PLA2G4D: variants seen among roughly 807,000 people sequenced by gnomAD.
The protein encoded by PLA2G4D is phospholipase A2 group IVD.
In PLA2G4D, 80 loss-of-function variants were observed where a neutral mutation model predicts 94.4. The observed-to-expected ratio is 0.85, with a 90% CI of 0.71 to 1.02. PLA2G4D has a LOEUF of 1.02. PLA2G4D is among the 50% of genes least tolerant of loss of function. PLA2G4D has a pLI of 0.00. For synonymous variants in PLA2G4D, 438 were observed against 440.9 expected (o/e 0.99, Z 0.08); for missense variants, 1,050 against 1,034.7 (o/e 1.01, Z -0.20).
chr15:42,079,141 A>G (rs771271565), intron 13 of PLA2G4D, among the ~76,000 whole-genome samples: 42 of 152,240 alleles, frequency 2.8e-4, no homozygotes, highest in Non-Finnish European at 4.1e-4. Context: ...CACAGCTAGT[A>G]AGAGGTACTG....
rs1889730624 is a variant in PLA2G4D at position 42,068,632 on chromosome 15, A to G, written c.*83T>C. 7.3e-7 allele frequency: 1 copy of G among 1,365,038 alleles called. No individual in the cohort carries two copies. The highest frequency in any genetic ancestry group is 1.0e-6 in the Non-Finnish European group (1 of 1,004,204). The allele number at this position is 1,365,038 out of a possible 1,614,324, so 84.6% of individuals were successfully genotyped here. Reference sequence around the variant, plus strand: ...AGGCCTGGGAGAGCCCAGAACTCCAACCAGGAAGGCCTGTGGCTGAGCCCA... The same window carrying G: ...AGGCCTGGGAGAGCCCAGAACTCCAGCCAGGAAGGCCTGTGGCTGAGCCCA... On this transcript the variant is annotated 3_prime_UTR_variant, in exon 20 of 20. Coordinates refer to ENST00000290472, the MANE Select transcript of PLA2G4D (RefSeq NM_178034.4).
chr15:42,075,154 T>C (rs1889894490), intron 13 of PLA2G4D, among the ~76,000 whole-genome samples: 1 of 152,230 alleles, frequency 6.6e-6, no homozygotes, highest in Non-Finnish European at 1.5e-5. Context: ...TAAGAATATA[T>C]AGGTGTCTAA....
chr15:42,081,621 C>T lies in PLA2G4D; in HGVS notation c.822-7G>A, dbSNP rs1468792904. The T allele has an allele frequency of 6.2e-7, 1 of 1,613,698 alleles. No individual in the cohort carries two copies. The highest frequency in any genetic ancestry group is 1.3e-5 in the African/African-American group (1 of 75,062). On this transcript the variant is annotated splice_polypyrimidine_tract_variant and splice_region_variant and intron_variant, in intron 10 of 19. Transcript: ENST00000290472. ...CACGGCCAGCTCCTCAGGGCTGTGG[C>T]AATGGAGGATCCAGGGGTCAGGGGA... is the stretch of plus-strand genomic sequence containing the variant.
Position 42,071,261 on chromosome 15 carries a change from G to A in PLA2G4D, c.1738C>T (p.Gln580Ter). 1 of 1,606,522 alleles carries A rather than the reference G, an allele frequency of 6.2e-7. No homozygotes were observed. ...TSSRLEASWL[Q>*]PGTALAQAFK... ...GCCTGGGCCAGCGCCGTGCCTGGCT[G>A]CAGCCACGAGGCCTCCAGCCGCGAG... is the stretch of plus-strand genomic sequence containing the variant. The change falls in exon 17 of 20, where the codon CAG becomes TAG. Residue 580 changes from glutamine to a stop codon, truncating the protein, a stop_gained. Coordinates refer to ENST00000290472, the MANE Select transcript of PLA2G4D (RefSeq NM_178034.4). LOFTEE classifies it high-confidence loss of function.
chr15:42,088,138 G>A (rs1429128829), intron 1 of PLA2G4D, among the ~76,000 whole-genome samples: 4 of 152,310 alleles, frequency 2.6e-5, no homozygotes, highest in Middle Eastern at 3.4e-3. Flanking sequence ...CAGCCCTTCC[G>A]GACGGGAAGC....
chr15:42,085,409 G>T, intron 5 of PLA2G4D, 82 bp downstream of exon 5: 6 of 1,497,458 alleles, frequency 4.0e-6, no homozygotes, highest in Non-Finnish European at 5.6e-6. Context: ...AGGCTGGACT[G>T]ACCACAGGGA....
intron 8 of PLA2G4D, 117 bp downstream of exon 8, chr15:42,083,081 G>C: frequency 7.2e-7 from 1 of 1,379,666 alleles, no homozygotes; most frequent in Non-Finnish European, 9.7e-7. Context: ...AACTAGGGGA[G>C]GCTGACAAGG....
In PLA2G4D at chr15:42,071,302, G is replaced by A; in HGVS notation, c.1697C>T (p.Thr566Ile). Residue 566 changes from threonine (T) to isoleucine (I), a missense_variant, in exon 17 of 20, where the codon ACC becomes ATC. Coordinates refer to ENST00000290472, the MANE Select transcript of PLA2G4D (RefSeq NM_178034.4). ...KTRSLEKEPL[T>I]TSGTSSRLEA... ...CAGCCGCGAGGAGGTCCCCGAGGTG[G>A]TCAGGGGCTCCTTCTCTGAAGCCAG... is the stretch of plus-strand genomic sequence containing the variant. 1 of 1,586,622 alleles carries A rather than the reference G, an allele frequency of 6.3e-7. No homozygotes were observed. The highest frequency in any genetic ancestry group is 8.5e-7 in the Non-Finnish European group (1 of 1,170,056).
chr15:42,081,435 C>T (rs764248693), intron 11 of PLA2G4D, 44 bp downstream of exon 11: 19 of 1,595,102 alleles, frequency 1.2e-5, no homozygotes, highest in South Asian at 4.6e-5. Context: ...TCCCTTATGG[C>T]CCGTCCAGGA....
At chr15:42,069,117 T>C (rs1450428681) in intron 19 of PLA2G4D, among the ~76,000 whole-genome samples, 176 bp from the exon 20 acceptor site, 1 of 152,210 alleles carries the variant, frequency 6.6e-6, no homozygotes, top group Non-Finnish European at 1.5e-5. Context: ...ATGGGTACTA[T>C]TTGGTGGTAG....
At chr15:42,088,564 C>T (rs990518362) in intron 1 of PLA2G4D, among the ~76,000 whole-genome samples, 4 of 152,172 alleles carry the variant, frequency 2.6e-5, no homozygotes, top group African/African-American at 4.8e-5. Context: ...CCCTGCAGCA[C>T]GGCTTTTTCT....
At position 42,081,479 on chromosome 15, in the gene PLA2G4D, C is replaced by T. The variant is rs184980702; in HGVS notation, c.957G>A (p.Glu319=). 9 of 1,613,568 alleles carry T rather than the reference C, an allele frequency of 5.6e-6. No individual in the cohort carries two copies. The East Asian group carries it at 8.9e-5, about 16-fold the overall frequency. ...CACACATCCCTCTGCACCCCCAGAC[C>T]TCATCCTCCTGCAGGTCTCTGTCCA... ...LQLDRDLQED[E]VPVVGIMATG... The change falls in exon 11 of 20, where the codon GAG becomes GAA. Residue 319 remains glutamate (E), a splice_region_variant and synonymous_variant. Coordinates refer to ENST00000290472, the MANE Select transcript of PLA2G4D (RefSeq NM_178034.4).
At chr15:42,072,132 T>A in intron 14 of PLA2G4D, 143 bp downstream of exon 14, 3 of 960,540 alleles carry the variant, frequency 3.1e-6, no homozygotes, top group Non-Finnish European at 3.2e-6. Context: ...CACAGAGAGA[T>A]GCCCTGAGCC....
Position 42,086,194 on chromosome 15 carries a change from T to TACCCCCCCCCCCCCCC in PLA2G4D, c.387+18_387+19insGGGGGGGGGGGGGGGT. The TACCCCCCCCCCCCCCC allele has an allele frequency of 5.1e-6, 7 of 1,370,442 alleles. No individual in the cohort carries two copies. Among genetic ancestry groups the TACCCCCCCCCCCCCCC allele is most frequent in the South Asian group, 3.0e-5 (2 of 66,866 alleles). 84.9% of individuals were successfully genotyped at this position (1,370,442 alleles called of 1,614,324 possible). ...GGAAGAAGTGGGGCCCACGGGGACTTCCCCACCCACCCACCCACCTGGGGA... is the reference window on the plus strand; with the variant it reads ...GGAAGAAGTGGGGCCCACGGGGACTTACCCCCCCCCCCCCCCCCCCACCCACCCACCCACCTGGGGA... On this transcript the variant is annotated intron_variant, in intron 4 of 19. Transcript: ENST00000290472.
chr15:42,086,194 T>TTGGGGGGGGGGGGCCGCC lies in PLA2G4D; in HGVS notation c.387+18_387+19insGGCGGCCCCCCCCCCCCA. ...GGAAGAAGTGGGGCCCACGGGGACTTCCCCACCCACCCACCCACCTGGGGA... is the reference window on the plus strand; with the variant it reads ...GGAAGAAGTGGGGCCCACGGGGACTTTGGGGGGGGGGGGCCGCCCCCCACCCACCCACCCACCTGGGGA... On this transcript the variant is annotated intron_variant, in intron 4 of 19. Transcript: ENST00000290472. 1 of 1,370,442 alleles carries TTGGGGGGGGGGGGCCGCC rather than the reference T, an allele frequency of 7.3e-7. No homozygotes were observed. The highest frequency in any genetic ancestry group is 9.6e-7 in the Non-Finnish European group (1 of 1,043,082). 84.9% of individuals were successfully genotyped at this position (1,370,442 alleles called of 1,614,324 possible).
rs921515898 is a variant in PLA2G4D at position 42,084,078 on chromosome 15, C to T, written c.472-299G>A. On this transcript the variant is annotated intron_variant, in intron 6 of 19. Transcript: ENST00000290472. The surrounding 1 kb of genome is among the most constrained non-coding windows in gnomAD (Gnocchi z 4.8). ...CAGCCCTCAGACACAGCTGTTTCTT[C>T]TCTTGTTTCCCTGTGGCTTGGAGCT... 8 of 385,846 alleles carry T rather than the reference C, an allele frequency of 2.1e-5. No individual in the cohort carries two copies. The Admixed American group carries it at 2.8e-4, about 13-fold the overall frequency. 23.9% of individuals were successfully genotyped at this position (385,846 alleles called of 1,614,324 possible).
chr15:42,090,675 A>G (rs7165460), intron 1 of PLA2G4D, among the ~76,000 whole-genome samples: 12,883 of 152,190 alleles, frequency 0.085, 618 homozygotes, highest in Middle Eastern at 0.14. Flanking sequence ...GAGGTGAGGC[A>G]GTTTCCAGTT....
At chr15:42,080,809 G>A (rs916479581) in intron 12 of PLA2G4D, among the ~76,000 whole-genome samples, 188 bp downstream of exon 12, 3 of 152,154 alleles carry the variant, frequency 2.0e-5, no homozygotes, top group Non-Finnish European at 4.4e-5. Context: ...CACCTCCTGC[G>A]CCGCCTCGCT....
Position 42,068,644 on chromosome 15 carries a change from T to TGTGGTTGGA in PLA2G4D, c.*70_*71insTCCAACCAC. The stretch of plus-strand genomic sequence containing the variant: ...GCCCAGAACTCCAACCAGGAAGGCC[T>TGTGGTTGGA]GTGGCTGAGCCCAGCTACAGATCAG... On this transcript the variant is annotated 3_prime_UTR_variant, in exon 20 of 20. Coordinates refer to ENST00000290472, the MANE Select transcript of PLA2G4D (RefSeq NM_178034.4). 1 of 1,445,276 alleles carries TGTGGTTGGA rather than the reference T, an allele frequency of 6.9e-7. No individual in the cohort carries two copies. Among genetic ancestry groups the TGTGGTTGGA allele is most frequent in the Middle Eastern group, 1.8e-4 (1 of 5,558 alleles). 89.5% of individuals were successfully genotyped at this position (1,445,276 alleles called of 1,614,324 possible).
Sources: gnomAD v4.1 joint callset for allele counts (sites outside exome capture counted in the v4.1 genomes callset) on GRCh38, gnomAD v4.1.1 for gene constraint, Gnocchi (gnomAD v3.1) non-coding constraint, MANE v1.5 for transcripts, NCBI Gene and HGNC (gene_info 2026-07-23, HGNC 2026-07-21) for gene names.